Variants in AFDN observed in about 807,000 individuals in gnomAD.
AFDN encodes afadin.
In AFDN, 68 loss-of-function variants were observed where a neutral mutation model predicts 216.6. That is an observed-to-expected ratio of 0.31 (90% CI 0.26 to 0.38). The LOEUF is 0.38. Among genes scored for constraint, AFDN ranks in the 10% least tolerant of loss-of-function variants. AFDN has a pLI of 1.00. For missense variants in AFDN, 2,136 were observed against 2,342.0 expected, an observed-to-expected ratio of 0.91 and a Z score of 1.82; for synonymous variants, 868 against 853.7, an observed-to-expected ratio of 1.02 and a Z score of -0.29.
At chr6:167,839,255 ATTG>A (rs1040286875) in intron 1 of AFDN, among the ~76,000 whole-genome samples, 47 of 152,212 alleles carry the variant, frequency 3.1e-4, no homozygotes, top group African/African-American at 1.1e-3. Context: ...AATGGAAATT[ATTG>A]TTTTCATGAA....
intron 23 of AFDN, among the ~76,000 whole-genome samples, chr6:167,927,464 A>G (rs1792709034): frequency 6.6e-6 from 1 of 152,212 alleles, no homozygotes; most frequent in South Asian, 2.1e-4. Context: ...TGTAGGCACC[A>G]CAAAGAAATG....
Position 167,952,346 on chromosome 6 carries a change from T to C in AFDN, c.4833+159T>C, listed in dbSNP as rs148166286. On this transcript the variant is annotated intron_variant, in intron 30 of 33. Coordinates refer to ENST00000683244, the MANE Select transcript of AFDN (RefSeq NM_001386888.1). ...TATGTGTTACTCTTGGCTGATGTCG[T>C]AGAGAAATGAGTCAGGCCTATAAGG... 309 of 1,507,034 alleles carry C rather than the reference T, an allele frequency of 2.1e-4. 4 individuals carry two copies. The African/African-American group carries it at 4.0e-3, about 20-fold the overall frequency. 93.4% of individuals were successfully genotyped at this position (1,507,034 alleles called of 1,614,324 possible).
intron 2 of AFDN, 63 bp downstream of exon 2, chr6:167,864,809 C>T (rs993957710): frequency 6.6e-7 from 1 of 1,521,372 alleles, no homozygotes. Context: ...ACAGCTTGTC[C>T]AGGGTCATTG....
chr6:167,913,004 G>T (rs1790598178), intron 15 of AFDN, among the ~76,000 whole-genome samples: 1 of 152,018 alleles, frequency 6.6e-6, no homozygotes, highest in Non-Finnish European at 1.5e-5. Context: ...TTAATCTAGA[G>T]GGATGGACTT....
Position 167,951,949 on chromosome 6 carries a change from A to C in AFDN, c.4595A>C (p.Glu1532Ala). 1 of 1,614,176 alleles carries C rather than the reference A, an allele frequency of 6.2e-7. No homozygotes were observed. Among genetic ancestry groups the C allele is most frequent in the South Asian group, 1.1e-5 (1 of 91,084 alleles). ...PWKRDAKEKL[E>A]KQQQMHIVDM... ...AAGCGGGACGCCAAGGAGAAGCTGGAGAAGCAGCAGCAGATGCACATCGTG... is the reference window on the plus strand; with the variant it reads ...AAGCGGGACGCCAAGGAGAAGCTGGCGAAGCAGCAGCAGATGCACATCGTG... The change falls in exon 30 of 34, where the codon GAG becomes GCG. Residue 1532 changes from glutamate to alanine, a missense_variant. Transcript: ENST00000683244. This position sits in a 1 kb window ranked among gnomAD's most constrained non-coding sequence, Gnocchi z 7.1.
At chr6:167,943,811 T>G in intron 25 of AFDN, 130 bp from the exon 26 acceptor site, 1 of 811,844 alleles carries the variant, frequency 1.2e-6, no homozygotes, top group Non-Finnish European at 2.0e-6. Context: ...TGTCTGGAAG[T>G]CAGAACCATT....
chr6:167,879,622 AG>A (rs1437279360), intron 5 of AFDN, among the ~76,000 whole-genome samples: 3 of 152,240 alleles, frequency 2.0e-5, no homozygotes, highest in Non-Finnish European at 4.4e-5. Context: ...TGACACCAAA[AG>A]TGACAATATT....
At chr6:167,905,654 G>A (rs2128425105) in intron 12 of AFDN, among the ~76,000 whole-genome samples, 1 of 140,884 alleles carries the variant, frequency 7.1e-6, no homozygotes, top group South Asian at 2.1e-4. Context: ...GTACTTTAAA[G>A]TCACTTAAAA....
chr6:167,829,359 T>A (rs1779579134), intron 1 of AFDN, among the ~76,000 whole-genome samples: 1 of 152,180 alleles, frequency 6.6e-6, no homozygotes, highest in African/African-American at 2.4e-5. Context: ...TTTATTATGA[T>A]GTAGGTAAAC....
chr6:167,870,943 T>C (rs747666002), intron 3 of AFDN, among the ~76,000 whole-genome samples: 1 of 152,212 alleles, frequency 6.6e-6, no homozygotes, highest in Non-Finnish European at 1.5e-5. Flanking sequence ...AATGATGGAA[T>C]AGAGTGATTC....
chr6:167,831,618 C>T (rs1779840342), intron 1 of AFDN, among the ~76,000 whole-genome samples: 2 of 152,166 alleles, frequency 1.3e-5, no homozygotes, highest in South Asian at 4.1e-4. Context: ...TAACTGTAGA[C>T]TTTTATAACA....
intron 27 of AFDN, among the ~76,000 whole-genome samples, chr6:167,947,248 C>T (rs927291461): frequency 2.6e-5 from 4 of 151,616 alleles, no homozygotes; most frequent in Admixed American, 6.6e-5. Flanking sequence ...GGCGCGATCT[C>T]GGCTAACTGC....
chr6:167,835,766 CTAAG>C (rs1780357665), intron 1 of AFDN, among the ~76,000 whole-genome samples: 1 of 152,118 alleles, frequency 6.6e-6, no homozygotes, highest in South Asian at 2.1e-4. Context: ...CAAAATATTA[CTAAG>C]AAAATAGTTT....
intron 30 of AFDN, among the ~76,000 whole-genome samples, chr6:167,960,650 C>T (rs568317322): frequency 3.9e-5 from 6 of 152,208 alleles, no homozygotes; most frequent in African/African-American, 1.4e-4. Context: ...TTTTGTTTGG[C>T]GCTGTTTCTC....
intron 1 of AFDN, among the ~76,000 whole-genome samples, chr6:167,848,101 T>G (rs969583750): frequency 6.6e-6 from 1 of 152,156 alleles, no homozygotes; most frequent in African/African-American, 2.4e-5. Flanking sequence ...TGTGAAACTG[T>G]GGGGGTAGCA....
chr6:167,951,170 C>G lies in AFDN; in HGVS notation c.3832-16C>G. The G allele has an allele frequency of 6.6e-7, 1 of 1,516,120 alleles. No homozygotes were observed. The highest frequency in any genetic ancestry group is 8.8e-7 in the Non-Finnish European group (1 of 1,133,636). 93.9% of individuals were successfully genotyped at this position (1,516,120 alleles called of 1,614,324 possible). On this transcript the variant is annotated splice_polypyrimidine_tract_variant and intron_variant, in intron 29 of 33. Coordinates refer to ENST00000683244, the MANE Select transcript of AFDN (RefSeq NM_001386888.1). This position sits in a 1 kb window ranked among gnomAD's most constrained non-coding sequence, Gnocchi z 7.1. The stretch of plus-strand genomic sequence containing the variant: ...AGTAAATGGCTGAAATATAATAATT[C>G]TTTTTCTTTTTGCAGCGTGTTACAC...
rs768687320 is a variant in AFDN at position 167,946,863 on chromosome 6, A to G, written c.3515A>G (p.Lys1172Arg). 1 of 1,612,852 alleles carries G rather than the reference A, an allele frequency of 6.2e-7. No individual in the cohort carries two copies. Among genetic ancestry groups the G allele is most frequent in the Admixed American group, 1.7e-5 (1 of 59,694 alleles). ...KKLPGDDRLMKNRADHRSSPN... is the reference protein window; with the variant it reads ...KKLPGDDRLMRNRADHRSSPN... ...TTGCCTGGTGATGACAGACTGATGA[A>G]AAATAGAGCTGATCACCGTTCCAGC... Residue 1172 changes from lysine to arginine, a missense_variant, in exon 27 of 34, where the codon AAA (lysine) becomes AGA (arginine). By Grantham distance (26) the Lys-to-Arg change is conservative (BLOSUM62 2). Transcript: ENST00000683244.
chr6:167,860,553 T>A (rs1783445071), intron 1 of AFDN, among the ~76,000 whole-genome samples: 1 of 152,194 alleles, frequency 6.6e-6, no homozygotes, highest in African/African-American at 2.4e-5. Context: ...AGTTGCTTTA[T>A]ATATTTTGTT....
chr6:167,918,995 A>T (rs1452108331), intron 21 of AFDN, 62 bp downstream of exon 21: 50 of 1,416,534 alleles, frequency 3.5e-5, no homozygotes, highest in Non-Finnish European at 4.9e-6. Context: ...CATTTTATTC[A>T]TTGTCCATCT....
Sources: gnomAD v4.1 joint callset for allele counts (sites outside exome capture counted in the v4.1 genomes callset) on GRCh38, gnomAD v4.1.1 for gene constraint, Gnocchi (gnomAD v3.1) non-coding constraint, MANE v1.5 for transcripts, NCBI Gene and HGNC (gene_info 2026-07-23, HGNC 2026-07-21) for gene names.